Variants in TTC3 observed in about 807,000 individuals in gnomAD.
The protein encoded by TTC3 is E3 ubiquitin-protein ligase TTC3.
A neutral mutation model predicts 249.6 loss-of-function variants in TTC3; 180 were observed. The observed-to-expected ratio is 0.72, with a 90% CI of 0.64 to 0.82. The LOEUF (loss-of-function observed/expected upper bound fraction) is 0.82, where lower values mean the gene tolerates loss of function less well. TTC3 is among the 40% of genes least tolerant of loss of function. TTC3 has a pLI of 0.00. For synonymous variants in TTC3, 717 were observed against 805.0 expected (o/e 0.89, Z 1.85); for missense variants, 2,061 against 2,398.4 (o/e 0.86, Z 2.94).
intron 39 of TTC3, among the ~76,000 whole-genome samples, chr21:37,190,130 CTTTTTTTTT>C (rs138862573): frequency 3.1e-5 from 2 of 65,048 alleles, no homozygotes; most frequent in South Asian, 1.0e-3. Context: ...CTTTTTCTTT[CTTTTTTTTT>C]TTTTTTTTTT....
intron 31 of TTC3, among the ~76,000 whole-genome samples, 184 bp from the exon 32 acceptor site, chr21:37,163,867 C>T (rs1198400452): frequency 3.9e-5 from 6 of 152,158 alleles, no homozygotes; most frequent in Admixed American, 2.0e-4. Context: ...TGATATTTCT[C>T]GCCTATAACT....
intron 42 of TTC3, 114 bp from the exon 43 acceptor site, chr21:37,197,456 A>G (rs2085042873): frequency 7.9e-7 from 1 of 1,269,862 alleles, no homozygotes; most frequent in Non-Finnish European, 1.1e-6. Flanking sequence ...GATTAATTTT[A>G]TGTGCATTTG....
chr21:37,181,176 T>A (rs1249209629), intron 35 of TTC3, among the ~76,000 whole-genome samples: 1 of 152,242 alleles, frequency 6.6e-6, no homozygotes, highest in Non-Finnish European at 1.5e-5. Flanking sequence ...ACTCATGTGG[T>A]ATTTTCGTTG....
At chr21:37,105,155 A>G (rs752542445) in intron 10 of TTC3, among the ~76,000 whole-genome samples, 3 of 152,218 alleles carry the variant, frequency 2.0e-5, no homozygotes, top group Non-Finnish European at 2.9e-5. Flanking sequence ...GGCAACATGG[A>G]CATCATTCAC....
intron 30 of TTC3, 130 bp from the exon 31 acceptor site, chr21:37,161,860 T>C (rs2080787846): frequency 1.9e-6 from 1 of 535,688 alleles, no homozygotes; most frequent in Non-Finnish European, 3.2e-6. Context: ...TATAAGAAAA[T>C]TTGGATAGAT....
At chr21:37,165,682 C>T (rs1234969850) in exon 33 of TTC3, 2 of 1,613,812 alleles carry the variant, frequency 1.2e-6, no homozygotes, top group Non-Finnish European at 1.7e-6. Flanking sequence ...AACCTTTTCT[C>T]TTGGGATGCC....
chr21:37,076,268 G>A (rs1248862542), intron 1 of TTC3, among the ~76,000 whole-genome samples: 3 of 152,202 alleles, frequency 2.0e-5, no homozygotes, highest in African/African-American at 7.2e-5. Flanking sequence ...ATAGATGTAA[G>A]TCATTAATTT....
intron 11 of TTC3, among the ~76,000 whole-genome samples, chr21:37,115,604 A>G (rs983664954): frequency 5.3e-5 from 8 of 152,226 alleles, no homozygotes; most frequent in African/African-American, 1.7e-4. Context: ...CTACATGTCT[A>G]TTGATAAAGC....
chr21:37,105,841 T>C (rs1235803253), intron 10 of TTC3, among the ~76,000 whole-genome samples: 1 of 152,264 alleles, frequency 6.6e-6, no homozygotes, highest in African/African-American at 2.4e-5. Context: ...TGCATGAATA[T>C]ACCACATTTT....
At chr21:37,088,414 C>G (rs2072801597) in intron 4 of TTC3, 68 bp downstream of exon 4, 1 of 1,528,576 alleles carries the variant, frequency 6.5e-7, no homozygotes, top group South Asian at 1.3e-5. Flanking sequence ...CCAAGAAATG[C>G]AAGTTCAATG....
Position 37,196,047 on chromosome 21 carries a change from A to G in TTC3, c.5579+11A>G, listed in dbSNP as rs1170282009. 1 of 1,613,232 alleles carries G rather than the reference A, an allele frequency of 6.2e-7. No homozygotes were observed. The highest frequency in any genetic ancestry group is 1.7e-5 in the Admixed American group (1 of 59,928). On this transcript the variant is annotated intron_variant, in intron 42 of 45. Transcript: ENST00000355666. ...CCCATGTTACAACAGGTATGAACAG[A>G]AAATGTCTGTGACTGTGTTTAATAC...
intron 5 of TTC3, 35 bp from the exon 6 acceptor site, chr21:37,090,198 A>AT: frequency 6.5e-7 from 1 of 1,539,632 alleles, no homozygotes; most frequent in Non-Finnish European, 8.9e-7. Context: ...AATTGACTGA[A>AT]TAAGGAAAAA....
intron 10 of TTC3, among the ~76,000 whole-genome samples, chr21:37,101,890 A>G (rs2074537577): frequency 6.8e-6 from 1 of 147,706 alleles, no homozygotes; most frequent in Admixed American, 6.9e-5. Flanking sequence ...TATGTAATCC[A>G]TTAGTTTGTA....
intron 1 of TTC3, among the ~76,000 whole-genome samples, chr21:37,078,294 C>G (rs1468346852): frequency 1.3e-5 from 2 of 152,136 alleles, no homozygotes; most frequent in Non-Finnish European, 2.9e-5. Context: ...TGAATCTCAC[C>G]TATTTTTGGT....
intron 1 of TTC3, among the ~76,000 whole-genome samples, chr21:37,075,284 T>G (rs142258258): frequency 0.01 from 1,537 of 152,286 alleles, 14 homozygotes; most frequent in East Asian, 0.029. Flanking sequence ...TGTATGAATA[T>G]ACCATATTTA....
intron 27 of TTC3, among the ~76,000 whole-genome samples, chr21:37,154,017 T>A (rs567851098): frequency 1.3e-5 from 2 of 152,320 alleles, no homozygotes; most frequent in Admixed American, 1.3e-4. Context: ...TGCCCTCCCC[T>A]AAAGCAGGCG....
intron 4 of TTC3, 40 bp downstream of exon 4, chr21:37,088,386 T>TA (rs2072796942): frequency 1.3e-6 from 2 of 1,579,466 alleles, no homozygotes; most frequent in African/African-American, 2.7e-5. Flanking sequence ...TGGACAGTGA[T>TA]AAACATGTTA....
intron 11 of TTC3, among the ~76,000 whole-genome samples, chr21:37,120,963 G>A (rs905771624): frequency 2.0e-5 from 3 of 152,134 alleles, no homozygotes; most frequent in East Asian, 1.9e-4. Context: ...TGTGATATTA[G>A]GCCAGTTTCT....
At chr21:37,167,472 G>T in intron 33 of TTC3, 83 bp from the exon 34 acceptor site, 2 of 1,035,654 alleles carry the variant, frequency 1.9e-6, no homozygotes, top group Non-Finnish European at 2.9e-6. Flanking sequence ...TTGTGGGTGT[G>T]TTTTAAAGTG....
Sources: gnomAD v4.1 joint callset for allele counts (sites outside exome capture counted in the v4.1 genomes callset) on GRCh38, gnomAD v4.1.1 for gene constraint, MANE v1.5 for transcripts, NCBI Gene and HGNC (gene_info 2026-07-23, HGNC 2026-07-21) for gene names.